LIPK: variants seen among roughly 807,000 people sequenced by gnomAD.
The protein encoded by LIPK is lipase member K.
LIPK carries 32 observed loss-of-function variants against 48.6 expected under a neutral mutation model. The ratio of observed to expected loss-of-function variants is 0.66; its 90% CI spans 0.50 to 0.88. LIPK has a LOEUF of 0.88. Among genes scored for constraint, LIPK ranks in the 40% least tolerant of loss-of-function variants. LIPK has a pLI of 0.00. For missense variants in LIPK, 507 were observed against 478.5 expected, an observed-to-expected ratio of 1.06 and a Z score of -0.56; for synonymous variants, 164 against 157.4, an observed-to-expected ratio of 1.04 and a Z score of -0.32.
intron 6 of LIPK, among the ~76,000 whole-genome samples, chr10:88,733,133 T>C (rs377316139): frequency 2.0e-4 from 30 of 152,356 alleles, no homozygotes; most frequent in African/African-American, 7.0e-4. Context: ...ATCATTAGTT[T>C]TATAGAATGT....
At chr10:88,725,924 A>G (rs934354550) in intron 2 of LIPK, among the ~76,000 whole-genome samples, 5 of 152,224 alleles carry the variant, frequency 3.3e-5, no homozygotes, top group African/African-American at 9.6e-5. Context: ...AATTCAGCCA[A>G]TGGAAATGGT....
At chr10:88,718,977 T>A (rs1185929969) in intron 1 of LIPK, among the ~76,000 whole-genome samples, 2 of 152,180 alleles carry the variant, frequency 1.3e-5, no homozygotes, top group African/African-American at 4.8e-5. Context: ...ATATTCAGTA[T>A]GAGCAAAACT....
Position 88,743,193 on chromosome 10 carries a change from T to G in LIPK, c.889-57T>G, listed in dbSNP as rs573851316. On this transcript the variant is annotated intron_variant, in intron 8 of 9. Transcript: ENST00000404190. ...TCTTCTTTGTATATTTCTTCTGTAC[T>G]GTCTTTAAATGTACACTATTTTCTT... 2.6e-6 allele frequency: 3 copies of G among 1,168,002 alleles called. No individual in the cohort carries two copies. In the South Asian group the frequency reaches 4.0e-5, roughly 16 times the overall value. The allele number at this position is 1,168,002 out of a possible 1,614,324, so 72.4% of individuals were successfully genotyped here.
At chr10:88,719,791 C>T (rs573690584) in intron 1 of LIPK, among the ~76,000 whole-genome samples, 20 of 152,098 alleles carry the variant, frequency 1.3e-4, no homozygotes, top group Non-Finnish European at 2.6e-4. Flanking sequence ...GCTTGATGAG[C>T]CTGATAGTTC....
At chr10:88,747,843 G>A (rs535461726) in intron 9 of LIPK, among the ~76,000 whole-genome samples, 2 of 152,196 alleles carry the variant, frequency 1.3e-5, no homozygotes, top group East Asian at 1.9e-4. Context: ...GTGGAAGATA[G>A]CATGGCTATT....
At chr10:88,724,684 G>T in intron 2 of LIPK, 36 bp downstream of exon 2, 1 of 1,413,246 alleles carries the variant, frequency 7.1e-7, no homozygotes, top group Non-Finnish European at 9.6e-7. Context: ...GCTAAAATAA[G>T]GAATTATTCA....
At chr10:88,738,216 T>C (rs902248593) in intron 7 of LIPK, among the ~76,000 whole-genome samples, 1 of 152,228 alleles carries the variant, frequency 6.6e-6, no homozygotes, top group African/African-American at 2.4e-5. Context: ...AAAGGAGGCA[T>C]GGTTCTTCAA....
chr10:88,732,629 A>G, intron 6 of LIPK, 78 bp downstream of exon 6: 1 of 1,399,014 alleles, frequency 7.1e-7, no homozygotes, highest in Non-Finnish European at 9.8e-7. Flanking sequence ...AAGACCAATG[A>G]CATTTTACAA....
intron 7 of LIPK, among the ~76,000 whole-genome samples, chr10:88,739,055 A>G (rs1386327165): frequency 6.6e-6 from 1 of 152,200 alleles, no homozygotes; most frequent in African/African-American, 2.4e-5. Context: ...CTTTTAATTT[A>G]AAAAATAGTG....
chr10:88,750,736 G>A, intron 9 of LIPK, among the ~76,000 whole-genome samples: 1 of 151,970 alleles, frequency 6.6e-6, no homozygotes, highest in Middle Eastern at 3.2e-3. Context: ...TCATTTGTAA[G>A]CCAAACCTCC....
chr10:88,752,463 T>A (rs1372796559), intron 9 of LIPK, 54 bp from the exon 10 acceptor site: 2 of 1,321,682 alleles, frequency 1.5e-6, no homozygotes, highest in African/African-American at 2.9e-5. Flanking sequence ...TAATGTTACT[T>A]CTATAATGTA....
rs570063745 is a variant in LIPK at position 88,722,039 on chromosome 10, T to C, written c.-11-2494T>C. Among the ~76,000 whole-genome samples, 8 of 152,342 alleles carry C rather than the reference T, an allele frequency of 5.3e-5. No homozygotes were observed. The East Asian group carries it at 1.3e-3, about 26-fold the overall frequency. ...ATGGCCAGGTGCGGTGGCTCACTCCTGTAATCCCAGCACTTTGGGAGGCCA... is the reference window on the plus strand; with the variant it reads ...ATGGCCAGGTGCGGTGGCTCACTCCCGTAATCCCAGCACTTTGGGAGGCCA... On this transcript the variant is annotated intron_variant, in intron 1 of 9. Transcript: ENST00000404190.
chr10:88,731,360 A>G (rs1842464006), intron 4 of LIPK, among the ~76,000 whole-genome samples, 179 bp downstream of exon 4: 1 of 152,152 alleles, frequency 6.6e-6, no homozygotes, highest in Admixed American at 6.5e-5. Flanking sequence ...TGCCATTATT[A>G]TTGCATGGCT....
chr10:88,730,790 T>C (rs901088325), intron 3 of LIPK, among the ~76,000 whole-genome samples, 193 bp from the exon 4 acceptor site: 3 of 152,096 alleles, frequency 2.0e-5, no homozygotes, highest in African/African-American at 7.2e-5. Context: ...CCCTTACAAA[T>C]GAGAAAACAA....
rs1212864961 is a variant in LIPK, at chr10:88,731,171, T to G, written c.412T>G (p.Trp138Gly). The G allele has an allele frequency of 6.4e-7, 1 of 1,564,762 alleles. No individual in the cohort carries two copies. The highest frequency in any genetic ancestry group is 8.6e-7 in the Non-Finnish European group (1 of 1,158,418). The change falls in exon 4 of 10, where the codon TGG (tryptophan) becomes GGG (glycine). Residue 138 changes from tryptophan (W) to glycine (G), a missense_variant. Trp to Gly is a radical substitution (Grantham distance 184). Coordinates refer to ENST00000404190, the MANE Select transcript of LIPK (RefSeq NM_001080518.2). ...LKLSPKSPEYWAFSLDEMAKY... is the reference protein window; with the variant it reads ...LKLSPKSPEYGAFSLDEMAKY... ...ATTGTCACCGAAATCACCGGAATAC[T>G]GGGCCTTCAGGTAAAGAGAAACCTA...
At chr10:88,734,976 T>C (rs1842543108) in intron 6 of LIPK, among the ~76,000 whole-genome samples, 1 of 152,220 alleles carries the variant, frequency 6.6e-6, no homozygotes, top group Admixed American at 6.5e-5. Flanking sequence ...TTTCTCTCTC[T>C]GATTAGCACT....
intron 4 of LIPK, among the ~76,000 whole-genome samples, chr10:88,731,660 T>A (rs187330609): frequency 6.6e-6 from 1 of 152,360 alleles, no homozygotes; most frequent in Non-Finnish European, 1.5e-5. Context: ...ATTTCCTAAT[T>A]CTATGCCATA....
At chr10:88,750,499 G>A (rs1274744444) in intron 9 of LIPK, among the ~76,000 whole-genome samples, 1 of 152,134 alleles carries the variant, frequency 6.6e-6, no homozygotes, top group East Asian at 1.9e-4. Context: ...GTCCTTTGCA[G>A]CAATGTGGAT....
chr10:88,744,198 G>T (rs1412046321), intron 9 of LIPK, among the ~76,000 whole-genome samples: 1 of 152,250 alleles, frequency 6.6e-6, no homozygotes. Context: ...AGCCTCACAT[G>T]CCCAACCAGA....
Sources: gnomAD v4.1 joint callset for allele counts (sites outside exome capture counted in the v4.1 genomes callset) on GRCh38, gnomAD v4.1.1 for gene constraint, MANE v1.5 for transcripts, NCBI Gene and HGNC (gene_info 2026-07-23, HGNC 2026-07-21) for gene names.